The following SFRP1 variants were observed in gnomAD, a reference collection of about 807,000 sequenced individuals.
SFRP1 encodes the protein secreted frizzled-related protein 1.
A neutral mutation model predicts 25.9 loss-of-function variants in SFRP1; 9 were observed. The ratio of observed to expected loss-of-function variants is 0.35; its 90% confidence interval spans 0.21 to 0.61. SFRP1 has a LOEUF of 0.61. SFRP1 is among the 20% of genes least tolerant of loss of function. The pLI is 0.78. For missense variants in SFRP1, 346 were observed against 418.2 expected (o/e 0.83, Z 1.51); for synonymous variants, 178 against 174.0 (o/e 1.02, Z -0.18).
chr8:41,276,812 G>T (rs1234203179), intron 2 of SFRP1: 1 of 354,846 alleles, frequency 2.8e-6, no homozygotes, highest in Non-Finnish European at 5.7e-6. Flanking sequence ...CTGTTTTCTG[G>T]ACCCCAGACA....
chr8:41,307,377 T>A (rs553876637), intron 1 of SFRP1, among the ~76,000 whole-genome samples: 1 of 152,294 alleles, frequency 6.6e-6, no homozygotes, highest in East Asian at 1.9e-4. Context: ...GCATCTAAAA[T>A]TTGGGGTATC....
At chr8:41,293,520 C>T (rs967295612) in intron 2 of SFRP1, among the ~76,000 whole-genome samples, 2 of 152,190 alleles carry the variant, frequency 1.3e-5, no homozygotes, top group East Asian at 1.9e-4. Flanking sequence ...GTCCTCATCT[C>T]CTGACACCAG....
intron 2 of SFRP1, among the ~76,000 whole-genome samples, chr8:41,284,945 T>A (rs1411358716): frequency 6.6e-6 from 1 of 152,190 alleles, no homozygotes; most frequent in African/African-American, 2.4e-5. Flanking sequence ...ACACTCACTC[T>A]TCCCTACGCC....
chr8:41,284,290 C>T (rs890742560), intron 2 of SFRP1, among the ~76,000 whole-genome samples: 1 of 152,044 alleles, frequency 6.6e-6, no homozygotes, highest in Non-Finnish European at 1.5e-5. Context: ...GCCAGGTAAA[C>T]ACCCTGAAGA....
At chr8:41,278,139 A>G (rs904208837) in intron 2 of SFRP1, among the ~76,000 whole-genome samples, 2 of 152,202 alleles carry the variant, frequency 1.3e-5, no homozygotes, top group Non-Finnish European at 2.9e-5. Context: ...CTCAGGTGGA[A>G]GCCAGCAAAA....
chr8:41,290,886 C>CTCTTTTTT (rs1803769043), intron 2 of SFRP1, among the ~76,000 whole-genome samples: 4 of 53,874 alleles, frequency 7.4e-5, no homozygotes, highest in Non-Finnish European at 1.6e-4. Context: ...TCTTCCTCGT[C>CTCTTTTTT]TTTTTTTTTT....
intron 2 of SFRP1, among the ~76,000 whole-genome samples, chr8:41,295,745 T>C (rs1236297720): frequency 1.3e-5 from 1 of 78,712 alleles, no homozygotes; most frequent in African/African-American, 4.6e-5. Flanking sequence ...ATCTGCAGCA[T>C]TTTTTTTTTT....
chr8:41,271,191 T>C (rs11779707), intron 2 of SFRP1: 51,412 of 153,994 alleles, frequency 0.33, 8,999 homozygotes, highest in Middle Eastern at 0.38. Context: ...AAGTGAGGCC[T>C]AACAAATCAC....
In SFRP1 at chr8:41,269,811, T is replaced by C. The variant is rs546961531; in HGVS notation, c.623-4322A>G. The stretch of plus-strand genomic sequence containing the variant: ...AGGTGGCATGGGGTTGCATTAGGAA[T>C]CAATCTTATAACTCCTCTGATGGCA... On this transcript the variant is annotated intron_variant, in intron 2 of 2. Transcript: ENST00000220772. 7.9e-5 allele frequency among the ~76,000 whole-genome samples: 12 copies of C among 152,280 alleles called. No homozygotes were observed. In the East Asian group the frequency reaches 2.3e-3, roughly 29 times the overall value.
chr8:41,286,942 G>A (rs1488125745), intron 2 of SFRP1, among the ~76,000 whole-genome samples: 1 of 152,218 alleles, frequency 6.6e-6, no homozygotes, highest in Admixed American at 6.5e-5. Context: ...CTGAAGGGCT[G>A]AAAAAGAGTC....
intron 2 of SFRP1, among the ~76,000 whole-genome samples, chr8:41,295,655 C>T (rs1045648877): frequency 6.6e-6 from 1 of 152,118 alleles, no homozygotes; most frequent in Non-Finnish European, 1.5e-5. Context: ...CGCTGCAGCA[C>T]TCACAGAACT....
In SFRP1 at chr8:41,303,562, CG is replaced by C. The variant is rs1470691855; in HGVS notation, c.545-25del. On this transcript the variant is annotated intron_variant, in intron 1 of 2. Transcript: ENST00000220772. Reference sequence around the variant, plus strand: ...GCCTGGGAAAGGAAGTAGGGAGAAACGGAACTGTAAGTTACAGAGCAGGAAG... The same window carrying C: ...GCCTGGGAAAGGAAGTAGGGAGAAACGAACTGTAAGTTACAGAGCAGGAAG... The C allele has an allele frequency of 5.6e-6, 9 of 1,594,598 alleles. No individual in the cohort carries two copies. In the Admixed American group the frequency reaches 6.7e-5, roughly 12 times the overall value.
intron 1 of SFRP1, chr8:41,306,795 G>A: frequency 6.3e-7 from 1 of 1,598,190 alleles, no homozygotes; most frequent in Non-Finnish European, 8.5e-7. Context: ...CCGACCAGTG[G>A]AACTGCAGCC....
At chr8:41,302,459 G>T (rs186705280) in intron 2 of SFRP1, among the ~76,000 whole-genome samples, 1 of 152,290 alleles carries the variant, frequency 6.6e-6, no homozygotes, top group Admixed American at 6.5e-5. Flanking sequence ...GGATGCCTCC[G>T]AATGGACTCA....
chr8:41,304,076 G>A (rs1379332817), intron 1 of SFRP1, among the ~76,000 whole-genome samples: 1 of 152,134 alleles, frequency 6.6e-6, no homozygotes, highest in Non-Finnish European at 1.5e-5. Context: ...CTCCAAAAGG[G>A]CCACCGCAGC....
rs1803424102 is a variant in SFRP1, at chr8:41,265,469, C to T, written c.643G>A (p.Glu215Lys). 2 of 1,606,766 alleles carry T rather than the reference C, an allele frequency of 1.2e-6. No homozygotes were observed. Among genetic ancestry groups the T allele is most frequent in the Non-Finnish European group, 1.7e-6 (2 of 1,178,330 alleles). Residue 215 changes from glutamate to lysine, a missense_variant, in exon 3 of 3, where the codon GAA becomes AAA. Coordinates refer to ENST00000220772, the MANE Select transcript of SFRP1 (RefSeq NM_003012.5). ...SEFALRMKIKEVKKENGDKKI... is the reference protein window; with the variant it reads ...SEFALRMKIKKVKKENGDKKI... ...TTGTCGCCATTTTCTTTTTTCACTTCTTTTATTTTCATCCTCAGTGCTAGA... is the reference window on the plus strand; with the variant it reads ...TTGTCGCCATTTTCTTTTTTCACTTTTTTTATTTTCATCCTCAGTGCTAGA...
At chr8:41,284,885 CAG>C (rs1803679043) in intron 2 of SFRP1, among the ~76,000 whole-genome samples, 1 of 152,354 alleles carries the variant, frequency 6.6e-6, no homozygotes, top group African/African-American at 2.4e-5. Flanking sequence ...GGAGAAAGTA[CAG>C]AGTCAGTGAC....
chr8:41,277,099 T>G (rs1803580824), intron 2 of SFRP1: 1 of 450,752 alleles, frequency 2.2e-6, no homozygotes, highest in African/African-American at 2.0e-5. Context: ...CCTGGTGTGA[T>G]TTCATCTGGG....
chr8:41,281,178 G>A (rs1192515729), intron 2 of SFRP1, among the ~76,000 whole-genome samples: 1 of 152,190 alleles, frequency 6.6e-6, no homozygotes, highest in Non-Finnish European at 1.5e-5. Flanking sequence ...ACTCCGTGCA[G>A]GGAGGGAGTG....
Sources: gnomAD v4.1 joint callset for allele counts (sites outside exome capture counted in the v4.1 genomes callset) on GRCh38, gnomAD v4.1.1 for gene constraint, MANE v1.5 for transcripts, NCBI Gene and HGNC (gene_info 2026-07-23, HGNC 2026-07-21) for gene names.